Variants in CNTN4 observed in about 807,000 individuals in gnomAD.
The protein encoded by CNTN4 is contactin-4.
A neutral mutation model predicts 122.5 loss-of-function variants in CNTN4; 77 were observed. That is an observed-to-expected ratio of 0.63 (90% CI 0.52 to 0.76). The LOEUF is 0.76. CNTN4 is among the 30% of genes least tolerant of loss of function. The pLI is 0.00. For missense variants in CNTN4, 1,256 were observed against 1,259.1 expected (o/e 1.00, Z 0.04); for synonymous variants, 512 against 447.0 (o/e 1.15, Z -1.83).
At chr3:2,275,148 C>A (rs1420640195) in intron 2 of CNTN4, among the ~76,000 whole-genome samples, 1 of 152,148 alleles carries the variant, frequency 6.6e-6, no homozygotes, top group African/African-American at 2.4e-5. Flanking sequence ...CAGAGTCTGT[C>A]ACTATAATGT....
chr3:2,587,616 A>G (rs1287924895), intron 4 of CNTN4, among the ~76,000 whole-genome samples: 1 of 152,208 alleles, frequency 6.6e-6, no homozygotes, highest in Non-Finnish European at 1.5e-5. Flanking sequence ...GTGATTCTCT[A>G]GATTTCTTGT....
intron 13 of CNTN4, among the ~76,000 whole-genome samples, chr3:2,978,124 A>G (rs1693599763): frequency 1.3e-5 from 2 of 152,166 alleles, no homozygotes. Flanking sequence ...CTGCCAGAGT[A>G]TAGATCTTTA....
chr3:2,307,118 G>C (rs2042737668), intron 2 of CNTN4, among the ~76,000 whole-genome samples: 1 of 151,950 alleles, frequency 6.6e-6, no homozygotes, highest in South Asian at 2.1e-4. Flanking sequence ...AATTGTCCTA[G>C]TTAGGACCTC....
At chr3:2,395,584 G>C (rs918353865) in intron 3 of CNTN4, among the ~76,000 whole-genome samples, 4 of 152,102 alleles carry the variant, frequency 2.6e-5, no homozygotes, top group Non-Finnish European at 5.9e-5. Flanking sequence ...CAGTTTTTCA[G>C]TCCTTGCCCC....
At chr3:2,759,943 T>A (rs1379189023) in intron 6 of CNTN4, among the ~76,000 whole-genome samples, 1 of 152,246 alleles carries the variant, frequency 6.6e-6, no homozygotes, top group Non-Finnish European at 1.5e-5. Flanking sequence ...ATGTTGAACA[T>A]ATTCCCATAT....
chr3:2,852,705 T>A (rs1184098312), intron 7 of CNTN4, among the ~76,000 whole-genome samples: 8 of 152,180 alleles, frequency 5.3e-5, no homozygotes, highest in Non-Finnish European at 1.2e-4. Context: ...TAAACCAAGG[T>A]TTCAAGACCA....
At chr3:2,538,976 G>A (rs1001543390) in intron 3 of CNTN4, among the ~76,000 whole-genome samples, 1 of 151,832 alleles carries the variant, frequency 6.6e-6, no homozygotes, top group Admixed American at 6.6e-5. Context: ...AAATATATAT[G>A]CTCAAAATAT....
chr3:2,280,408 TTTTG>T (rs2041673769), intron 2 of CNTN4, among the ~76,000 whole-genome samples: 1 of 152,214 alleles, frequency 6.6e-6, no homozygotes, highest in Admixed American at 6.5e-5. Context: ...TTGTTTCTTA[TTTTG>T]TTTGTTTCTT....
intron 2 of CNTN4, among the ~76,000 whole-genome samples, chr3:2,174,455 C>T (rs2036660036): frequency 6.6e-6 from 1 of 152,092 alleles, no homozygotes; most frequent in Non-Finnish European, 1.5e-5. Context: ...GGTGAGGGCC[C>T]ACTTCTGGTT....
intron 2 of CNTN4, among the ~76,000 whole-genome samples, chr3:2,304,698 T>C (rs984889551): frequency 6.6e-6 from 1 of 151,650 alleles, no homozygotes; most frequent in Admixed American, 6.6e-5. Context: ...ATATTCCCAG[T>C]TTGTTTGCTC....
At chr3:2,733,532 GTT>G (rs1201306391) in intron 4 of CNTN4, among the ~76,000 whole-genome samples, 2 of 120,520 alleles carry the variant, frequency 1.7e-5, no homozygotes, top group Admixed American at 8.0e-5. Context: ...GCATGTTTGT[GTT>G]TTTTTTTTTT....
chr3:2,988,514 C>G, intron 14 of CNTN4, 42 bp downstream of exon 14: 1 of 1,605,370 alleles, frequency 6.2e-7, no homozygotes, highest in South Asian at 1.1e-5. Flanking sequence ...ATATATGTGT[C>G]CTCGTGTCTA....
Position 3,014,238 on chromosome 3 carries a change from A to G in CNTN4, c.1487-11864A>G, listed in dbSNP as rs78576036. 6.8e-3 allele frequency among the ~76,000 whole-genome samples: 1,036 copies of G among 152,292 alleles called. 7 individuals are homozygous for G. The highest frequency in any genetic ancestry group is 0.024 in the African/African-American group (988 of 41,558). On this transcript the variant is annotated intron_variant, in intron 14 of 24. Coordinates refer to ENST00000418658, the MANE Select transcript of CNTN4 (RefSeq NM_175607.3). ...TTCTGAAGTATCCTGCCAATTTTTA[A>G]TGCTGACCGTTTCTCAATACTTTCA...
intron 4 of CNTN4, among the ~76,000 whole-genome samples, chr3:2,665,259 T>C (rs1205218210): frequency 6.6e-6 from 1 of 152,242 alleles, no homozygotes; most frequent in Non-Finnish European, 1.5e-5. Flanking sequence ...TTTGTACTTT[T>C]TTATTAGCAC....
intron 6 of CNTN4, among the ~76,000 whole-genome samples, chr3:2,786,029 A>G (rs577786536): frequency 3.3e-5 from 5 of 151,470 alleles, no homozygotes; most frequent in African/African-American, 7.3e-5. Flanking sequence ...GGAGACTACA[A>G]TCGGAGAGGA....
intron 4 of CNTN4, among the ~76,000 whole-genome samples, chr3:2,607,197 T>A (rs1304268638): frequency 6.6e-6 from 1 of 152,016 alleles, no homozygotes; most frequent in East Asian, 1.9e-4. Flanking sequence ...AAGGAAAGAG[T>A]AGAAATTATT....
At chr3:2,873,893 C>G (rs1479405666) in intron 8 of CNTN4, among the ~76,000 whole-genome samples, 1 of 152,180 alleles carries the variant, frequency 6.6e-6, no homozygotes, top group Non-Finnish European at 1.5e-5. Context: ...TATACCAAAA[C>G]ACTGCTTTAT....
At chr3:2,889,570 A>G (rs1300622004) in intron 10 of CNTN4, among the ~76,000 whole-genome samples, 2 of 151,756 alleles carry the variant, frequency 1.3e-5, no homozygotes, top group African/African-American at 2.4e-5. Context: ...TTTTCTCACC[A>G]ATGTAATAAT....
chr3:2,510,728 G>GT (rs1394172901), intron 3 of CNTN4, among the ~76,000 whole-genome samples: 1 of 152,138 alleles, frequency 6.6e-6, no homozygotes, highest in African/African-American at 2.4e-5. Context: ...CACATGTTCT[G>GT]TTTAAAAATG....
Sources: allele counts gnomAD v4.1 joint callset (sites outside exome capture counted in the v4.1 genomes callset), GRCh38; gene constraint gnomAD v4.1.1; transcripts MANE v1.5; gene names NCBI Gene and HGNC (gene_info 2026-07-23, HGNC 2026-07-21).